The following VPS35L variants were observed in gnomAD, a reference collection of about 807,000 sequenced individuals.
The protein encoded by VPS35L is VPS35 endosomal protein-sorting factor-like.
In VPS35L, 83 loss-of-function variants were observed where a neutral mutation model predicts 133.0. The ratio of observed to expected loss-of-function variants is 0.62; its 90% CI spans 0.52 to 0.75. The LOEUF (loss-of-function observed/expected upper bound fraction) is 0.75, where lower values mean the gene tolerates loss of function less well. Ranked by LOEUF, VPS35L falls within the 30% of genes least tolerant of loss-of-function variation. The pLI is 0.00. For synonymous variants in VPS35L, 423 were observed against 449.9 expected (o/e 0.94, Z 0.76); for missense variants, 1,083 against 1,206.8 (o/e 0.90, Z 1.52).
At chr16:19,570,876 TATATA>T (rs1971355334) in intron 3 of VPS35L, among the ~76,000 whole-genome samples, 1 of 77,522 alleles carries the variant, frequency 1.3e-5, no homozygotes, top group African/African-American at 7.7e-5. Flanking sequence ...TATATATATA[TATATA>T]TATATATATT....
intron 4 of VPS35L, 43 bp downstream of exon 4, chr16:19,573,284 G>A: frequency 6.3e-7 from 1 of 1,579,482 alleles, no homozygotes; most frequent in East Asian, 2.2e-5. Flanking sequence ...TTTGGAGTTA[G>A]TAGTAATTTC....
intron 5 of VPS35L, among the ~76,000 whole-genome samples, chr16:19,577,381 A>G (rs1276043822): frequency 6.6e-6 from 1 of 152,134 alleles, no homozygotes; most frequent in Non-Finnish European, 1.5e-5. Flanking sequence ...TACTGCACTC[A>G]TTACTGCAAG....
rs1972388064 is a variant in VPS35L at position 19,601,681 on chromosome 16, C to T, written c.742C>T (p.Arg248Cys). 1 of 1,613,992 alleles carries T rather than the reference C, an allele frequency of 6.2e-7. No individual in the cohort carries two copies. Among genetic ancestry groups the T allele is most frequent in the Admixed American group, 1.7e-5 (1 of 59,986 alleles). Reference protein sequence around the residue: ...LDTFGKLVYERIFSMCVDSRS... With the variant: ...LDTFGKLVYECIFSMCVDSRS... ...CCTCCCAGGAAAGCTCGTGTACGAG[C>T]GCATCTTTTCCATGTGTGTGGATAG... The change falls in exon 9 of 31, where the codon CGC becomes TGC. Residue 248 changes from arginine to cysteine, a missense_variant. Transcript: ENST00000417362.
At chr16:19,627,084 C>A (rs548076594) in intron 15 of VPS35L, among the ~76,000 whole-genome samples, 3 of 152,064 alleles carry the variant, frequency 2.0e-5, no homozygotes, top group Non-Finnish European at 2.9e-5. Context: ...GAGTTTGAGA[C>A]CAGCCTGGCC....
At chr16:19,592,081 CT>C (rs777939797) in intron 8 of VPS35L, among the ~76,000 whole-genome samples, 89 of 145,630 alleles carry the variant, frequency 6.1e-4, no homozygotes, top group Non-Finnish European at 5.2e-4. Flanking sequence ...ATTTTTTCTT[CT>C]TTTTTTTTTT....
intron 6 of VPS35L, among the ~76,000 whole-genome samples, chr16:19,580,831 C>G (rs1227639525): frequency 6.6e-6 from 1 of 152,110 alleles, no homozygotes; most frequent in South Asian, 2.1e-4. Flanking sequence ...ATATTTTTTC[C>G]AGTCTGAGAT....
chr16:19,578,981 A>C, intron 5 of VPS35L, 71 bp from the exon 6 acceptor site: 1 of 1,230,058 alleles, frequency 8.1e-7, no homozygotes, highest in Non-Finnish European at 1.2e-6. Context: ...GTGTAGAGTG[A>C]AAGATGCCTC....
At chr16:19,587,722 G>GT (rs1394952737) in intron 7 of VPS35L, among the ~76,000 whole-genome samples, 1 of 150,406 alleles carries the variant, frequency 6.6e-6, no homozygotes, top group African/African-American at 2.4e-5. Context: ...GACCATAAAT[G>GT]TAAGAGTTTA....
chr16:19,669,330 G>A (rs1974800684), intron 27 of VPS35L, 31 bp downstream of exon 27: 1 of 1,581,686 alleles, frequency 6.3e-7, no homozygotes, highest in Non-Finnish European at 8.6e-7. Context: ...CGCAGGACAT[G>A]TCTTCCTTTC....
rs564515175 is a variant in VPS35L at position 19,666,376 on chromosome 16, A to G, written c.2222-2784A>G. Among the ~76,000 whole-genome samples, 18 of 152,344 alleles carry G rather than the reference A, an allele frequency of 1.2e-4. No individual in the cohort carries two copies. The East Asian group carries it at 2.5e-3, about 21-fold the overall frequency. On this transcript the variant is annotated intron_variant, in intron 26 of 30. Transcript: ENST00000417362. ...CAAAACAAAGTGTTACATGAAGTTG[A>G]CATGATTATTCTGAACTTTAAACTA...
chr16:19,686,186 G>A (rs1242402824), intron 28 of VPS35L, among the ~76,000 whole-genome samples: 2 of 152,202 alleles, frequency 1.3e-5, no homozygotes, highest in African/African-American at 4.8e-5. Flanking sequence ...TCTGCAGGTT[G>A]TGGGGGCTCC....
chr16:19,556,361 G>T (rs1404846452), intron 1 of VPS35L, among the ~76,000 whole-genome samples: 1 of 152,194 alleles, frequency 6.6e-6, no homozygotes, highest in Non-Finnish European at 1.5e-5. Flanking sequence ...AGGCTTCAGA[G>T]AGGAGGAGTT....
Position 19,700,379 on chromosome 16 carries a change from T to A in VPS35L, c.2795T>A (p.Val932Glu). The A allele has an allele frequency of 6.2e-7, 1 of 1,613,270 alleles. No homozygotes were observed. The highest frequency in any genetic ancestry group is 8.5e-7 in the Non-Finnish European group (1 of 1,179,330). ...RHGCADTRTM[V>E]KTLEYIKKQS... ...ATGGATCTTTCTTTTTCCTCATAGGTGAAAACGCTAGAATACATCAAGAAG... is the reference window on the plus strand; with the variant it reads ...ATGGATCTTTCTTTTTCCTCATAGGAGAAAACGCTAGAATACATCAAGAAG... Residue 932 changes from valine (V) to glutamate (E), a missense_variant and splice_region_variant, in exon 31 of 31, where the codon GTG becomes GAG. Coordinates refer to ENST00000417362, the MANE Select transcript of VPS35L (RefSeq NM_020314.7).
At chr16:19,690,205 C>T (rs1975618506) in intron 28 of VPS35L, among the ~76,000 whole-genome samples, 1 of 152,162 alleles carries the variant, frequency 6.6e-6, no homozygotes, top group Non-Finnish European at 1.5e-5. Context: ...CTGATCCCAG[C>T]CCCAAGATTT....
At chr16:19,613,947 C>A (rs984481455) in intron 12 of VPS35L, among the ~76,000 whole-genome samples, 1 of 152,168 alleles carries the variant, frequency 6.6e-6, no homozygotes, top group Admixed American at 6.5e-5. Flanking sequence ...GGGTAGAAAT[C>A]TTTTAGACCC....
chr16:19,574,607 T>C (rs1389422388), intron 4 of VPS35L, among the ~76,000 whole-genome samples: 1 of 152,156 alleles, frequency 6.6e-6, no homozygotes, highest in Non-Finnish European at 1.5e-5. Flanking sequence ...AGTCTTTTTT[T>C]TTTTTAACTG....
intron 21 of VPS35L, among the ~76,000 whole-genome samples, chr16:19,641,940 T>C (rs1267412259): frequency 6.6e-6 from 1 of 152,210 alleles, no homozygotes; most frequent in Non-Finnish European, 1.5e-5. Flanking sequence ...CCAGGTGCGG[T>C]GGCTCACGCC....
intron 19 of VPS35L, among the ~76,000 whole-genome samples, chr16:19,637,238 A>C (rs1973648703): frequency 6.6e-6 from 1 of 152,208 alleles, no homozygotes; most frequent in South Asian, 2.1e-4. Flanking sequence ...GAACTTTCTA[A>C]AGGCGGGCAC....
intron 9 of VPS35L, among the ~76,000 whole-genome samples, chr16:19,602,900 G>A (rs1396623395): frequency 7.3e-5 from 11 of 150,970 alleles, no homozygotes; most frequent in East Asian, 1.9e-4. Context: ...AACCGTGCCC[G>A]TCCCTTTTTT....
Sources: gnomAD v4.1 joint callset for allele counts (sites outside exome capture counted in the v4.1 genomes callset) on GRCh38, gnomAD v4.1.1 for gene constraint, MANE v1.5 for transcripts, NCBI Gene and HGNC (gene_info 2026-07-23, HGNC 2026-07-21) for gene names.